MAPKAP1: variants seen among roughly 807,000 people sequenced by gnomAD.
The protein encoded by MAPKAP1 is MAPK associated protein 1, also known as target of rapamycin complex 2 subunit MAPKAP1.
Under a neutral mutation model 65.7 loss-of-function variants are expected in MAPKAP1, and 20 were observed. That is an observed-to-expected ratio of 0.30 (90% CI 0.21 to 0.44). The LOEUF is 0.44. Among genes scored for constraint, MAPKAP1 ranks in the 20% least tolerant of loss-of-function variants. The probability of loss-of-function intolerance (pLI) is 1.00; values close to 1 mark genes in which losing one functional copy is unlikely to be tolerated. For synonymous variants in MAPKAP1, 222 were observed against 244.3 expected, an observed-to-expected ratio of 0.91 and a Z score of 0.85; for missense variants, 423 against 648.0, an observed-to-expected ratio of 0.65 and a Z score of 3.77.
rs376444035 is a variant in MAPKAP1 at position 125,516,942 on chromosome 9, G to A, written c.959-10525C>T. Among the ~76,000 whole-genome samples the A allele has an allele frequency of 1.2e-4, 18 of 152,314 alleles. No homozygotes were observed. The East Asian group carries it at 3.3e-3, about 28-fold the overall frequency. ...GACTATAATAACAGCATCAGCAACT[G>A]ACATGGAGGACTTTCCTGGCCCTTA... On this transcript the variant is annotated intron_variant, in intron 7 of 11. Transcript: ENST00000265960.
At chr9:125,596,963 T>TAAA (rs56718500) in intron 4 of MAPKAP1, among the ~76,000 whole-genome samples, 25 of 129,326 alleles carry the variant, frequency 1.9e-4, no homozygotes, top group African/African-American at 4.1e-4. Flanking sequence ...AAATGTGTCT[T>TAAA]AAAAAAAAAA....
chr9:125,670,381 A>C (rs1358012943), intron 2 of MAPKAP1, among the ~76,000 whole-genome samples: 1 of 152,196 alleles, frequency 6.6e-6, no homozygotes, highest in Admixed American at 6.5e-5. Flanking sequence ...TTATCTAAAA[A>C]TCATGAAAAT....
Position 125,438,699 on chromosome 9 carries a change from T to A in MAPKAP1, c.*188A>T, listed in dbSNP as rs1489794787. ...CACTGCCAAGCAGACTTCCGTCCCA[T>A]GGCAATGTCCCCAGCGCTCCCTCCT... On this transcript the variant is annotated 3_prime_UTR_variant, in exon 12 of 12. Transcript: ENST00000265960. 4.7e-6 allele frequency: 3 copies of A among 636,410 alleles called. No individual in the cohort carries two copies. The African/African-American group carries it at 5.5e-5, about 12-fold the overall frequency. 39.4% of individuals were successfully genotyped at this position (636,410 alleles called of 1,614,324 possible). A position where few individuals can be genotyped will look rare whatever the true frequency, so the allele number is the denominator to read the frequency against.
intron 8 of MAPKAP1, among the ~76,000 whole-genome samples, chr9:125,502,990 A>G (rs1829028973): frequency 6.6e-6 from 1 of 152,216 alleles, no homozygotes; most frequent in Admixed American, 6.5e-5. Context: ...AAGTAAACTG[A>G]ACCTTTCATC....
At chr9:125,494,319 C>G (rs543499900) in intron 8 of MAPKAP1, among the ~76,000 whole-genome samples, 2 of 152,282 alleles carry the variant, frequency 1.3e-5, no homozygotes, top group Non-Finnish European at 2.9e-5. Flanking sequence ...CCCCGCCTGC[C>G]CACCGCTCTG....
intron 8 of MAPKAP1, among the ~76,000 whole-genome samples, chr9:125,488,096 A>G (rs1270665003): frequency 6.6e-6 from 1 of 152,178 alleles, no homozygotes; most frequent in Non-Finnish European, 1.5e-5. Flanking sequence ...CAACACAGTA[A>G]TGCTTCTTGC....
chr9:125,515,898 T>C (rs770681559), intron 7 of MAPKAP1, among the ~76,000 whole-genome samples: 2 of 152,162 alleles, frequency 1.3e-5, no homozygotes, highest in African/African-American at 2.4e-5. Context: ...GCCGCTTCTG[T>C]GGGCTGAGTA....
intron 5 of MAPKAP1, among the ~76,000 whole-genome samples, chr9:125,561,653 T>C (rs968015847): frequency 2.6e-5 from 4 of 152,176 alleles, no homozygotes; most frequent in African/African-American, 9.7e-5. Context: ...CGAGTTCAAA[T>C]TTCAGCTCCA....
rs185155422 is a variant in MAPKAP1 at position 125,437,558 on chromosome 9, G to T, written c.*1329C>A. On this transcript the variant is annotated 3_prime_UTR_variant, in exon 12 of 12. Coordinates refer to ENST00000265960, the MANE Select transcript of MAPKAP1 (RefSeq NM_001006617.3). ...ACAAATATTTCTTTTGTTTTTGGGT[G>T]GGGGGTAGGAATGGAAGACATTAGA... 1 of 152,558 alleles carries T rather than the reference G, an allele frequency of 6.6e-6. No individual in the cohort carries two copies. Among genetic ancestry groups the T allele is most frequent in the Admixed American group, 6.5e-5 (1 of 15,274 alleles). 9.5% of individuals were successfully genotyped at this position (152,558 alleles called of 1,614,324 possible). A position where few individuals can be genotyped will look rare whatever the true frequency, so the allele number is the denominator to read the frequency against.
At chr9:125,519,372 G>C (rs1038410662) in intron 7 of MAPKAP1, among the ~76,000 whole-genome samples, 5 of 152,024 alleles carry the variant, frequency 3.3e-5, no homozygotes. Flanking sequence ...GCGGTTGCTC[G>C]TGCCTGTAAT....
chr9:125,706,113 C>T (rs1835750182), intron 1 of MAPKAP1, among the ~76,000 whole-genome samples: 1 of 152,158 alleles, frequency 6.6e-6, no homozygotes. Flanking sequence ...TCATCAAGAA[C>T]TCTTTCCGTG....
At chr9:125,528,828 T>TA (rs1829848723) in intron 7 of MAPKAP1, among the ~76,000 whole-genome samples, 2 of 85,152 alleles carry the variant, frequency 2.3e-5, no homozygotes, top group Admixed American at 1.8e-4. Flanking sequence ...GCCTGGGTGA[T>TA]AAGAGTGAGA....
intron 4 of MAPKAP1, among the ~76,000 whole-genome samples, chr9:125,593,339 C>T (rs1832027429): frequency 1.3e-5 from 2 of 151,818 alleles, no homozygotes. Flanking sequence ...AGATACCTTA[C>T]TATGGCAGGT....
intron 1 of MAPKAP1, among the ~76,000 whole-genome samples, chr9:125,703,227 T>A (rs1835656621): frequency 6.6e-6 from 1 of 152,170 alleles, no homozygotes; most frequent in Non-Finnish European, 1.5e-5. Flanking sequence ...ATAACAGGCA[T>A]CGGACTTGGA....
intron 5 of MAPKAP1, among the ~76,000 whole-genome samples, chr9:125,573,791 C>T (rs945245963): frequency 6.6e-6 from 1 of 152,208 alleles, no homozygotes; most frequent in Non-Finnish European, 1.5e-5. Context: ...CCCTCCCCTG[C>T]CCCAATGCCT....
At position 125,553,572 on chromosome 9, in the gene MAPKAP1, C is replaced by A. The variant is rs116126655; in HGVS notation, c.848+6061G>T. 3.3e-5 allele frequency among the ~76,000 whole-genome samples: 5 copies of A among 151,626 alleles called. No individual in the cohort carries two copies. In the South Asian group the frequency reaches 1.0e-3, roughly 32 times the overall value. ...AATGGGAGGGGAGGGGAGGGCAAGA[C>A]GGAAAGAAAGAAAGAAACTTATTGG... On this transcript the variant is annotated intron_variant, in intron 6 of 11. Coordinates refer to ENST00000265960, the MANE Select transcript of MAPKAP1 (RefSeq NM_001006617.3).
At chr9:125,460,991 C>T (rs888111491) in intron 10 of MAPKAP1, among the ~76,000 whole-genome samples, 1 of 152,214 alleles carries the variant, frequency 6.6e-6, no homozygotes, top group Non-Finnish European at 1.5e-5. Flanking sequence ...GATGTCAGCT[C>T]ATGATGACCA....
At chr9:125,675,309 T>C (rs764969964) in intron 1 of MAPKAP1, among the ~76,000 whole-genome samples, 5 of 152,218 alleles carry the variant, frequency 3.3e-5, no homozygotes, top group African/African-American at 4.8e-5. Context: ...AGATATTTAA[T>C]AGGTGTTCTA....
At chr9:125,670,007 G>T in intron 2 of MAPKAP1, 100 bp from the exon 3 acceptor site, 1 of 632,420 alleles carries the variant, frequency 1.6e-6, no homozygotes, top group Non-Finnish European at 2.7e-6. Flanking sequence ...GTTTTATATT[G>T]CATATGTAGA....
Sources: allele counts gnomAD v4.1 joint callset (sites outside exome capture counted in the v4.1 genomes callset), GRCh38; gene constraint gnomAD v4.1.1; transcripts MANE v1.5; gene names NCBI Gene and HGNC (gene_info 2026-07-23, HGNC 2026-07-21).